Variants in TAF1 observed in about 807,000 individuals in gnomAD.
The protein encoded by TAF1 is TATA-box binding protein associated factor 1.
Under a neutral mutation model 138.5 loss-of-function variants are expected in TAF1, and 2 were observed. That is an observed-to-expected ratio of 0.01 (90% CI 0.01 to 0.05). TAF1 has a LOEUF of 0.05. Among genes scored for constraint, TAF1 ranks in the 10% least tolerant of loss-of-function variants. The probability of loss-of-function intolerance (pLI) is 1.00; values close to 1 mark genes in which losing one functional copy is unlikely to be tolerated. For missense variants in TAF1, 709 were observed against 1,478.0 expected, an observed-to-expected ratio of 0.48 and a Z score of 8.53; for synonymous variants, 437 against 503.2, an observed-to-expected ratio of 0.87 and a Z score of 1.76.
intron 35 of TAF1, 158 bp from the exon 36 acceptor site, chrX:71,459,394 A>G (rs1393196538): frequency 9.8e-7 from 1 of 1,024,710 alleles, no homozygotes; most frequent in Non-Finnish European, 1.3e-6. Context: ...CTTGGGACCA[A>G]CTAAACAGTC....
chrX:71,367,448 G>A (rs1452292134), intron 1 of TAF1, 51 bp from the exon 2 acceptor site: 1 of 1,163,653 alleles, frequency 8.6e-7, no homozygotes, highest in Admixed American at 2.3e-5. Flanking sequence ...CCTGTGGTGT[G>A]GGAGTCGTAG....
At chrX:71,424,301 T>A in intron 32 of TAF1, 63 bp downstream of exon 32, 1 of 1,019,879 alleles carries the variant, frequency 9.8e-7, no homozygotes, top group Non-Finnish European at 1.3e-6. Context: ...CTAACATTAC[T>A]TAGCATTATT....
chrX:71,413,605 A>G (rs1038741964), intron 28 of TAF1, among the ~76,000 whole-genome samples: 4 of 111,347 alleles, frequency 3.6e-5, no homozygotes, highest in Non-Finnish European at 7.5e-5. Context: ...CAGCCATAAT[A>G]TATCTGTTAA....
At chrX:71,394,456 A>C (rs1029676153) in intron 22 of TAF1, among the ~76,000 whole-genome samples, 4 of 112,371 alleles carry the variant, frequency 3.6e-5, no homozygotes, top group African/African-American at 9.7e-5. Context: ...CACTCCACTA[A>C]CTGCCTCTGT....
intron 13 of TAF1, among the ~76,000 whole-genome samples, chrX:71,471,344 T>TACAC (rs1423713606): frequency 1.1e-3 from 112 of 101,379 alleles, no homozygotes; most frequent in African/African-American, 3.6e-3. Flanking sequence ...TATATATATA[T>TACAC]ATACACACAC....
chrX:71,419,508 T>C (rs2036216719), intron 28 of TAF1, among the ~76,000 whole-genome samples: 1 of 109,110 alleles, frequency 9.2e-6, no homozygotes. Flanking sequence ...TACAGAAACC[T>C]GCAAAGAAAG....
intron 13 of TAF1, among the ~76,000 whole-genome samples, chrX:71,493,716 C>T (rs778306931): frequency 4.5e-4 from 51 of 112,281 alleles, no homozygotes; most frequent in African/African-American, 1.6e-3. Context: ...GGAGCAGTGG[C>T]TCATGCCTGT....
At chrX:71,459,828 C>A (rs745584512) in intron 36 of TAF1, 120 bp downstream of exon 36, 31 of 1,108,942 alleles carry the variant, frequency 2.8e-5, no homozygotes, top group Non-Finnish European at 3.7e-5. Context: ...TTATTGAATT[C>A]CTATTAATAG....
In TAF1 at chrX:71,407,151, G is replaced by A. The variant is rs776610520; in HGVS notation, c.4107+405G>A. Among the ~76,000 whole-genome samples the A allele has an allele frequency of 5.6e-5, 6 of 107,337 alleles. No homozygotes were observed. The South Asian group carries it at 2.5e-3, about 44-fold the overall frequency. 93.2% of individuals were successfully genotyped at this position (107,337 alleles called of 115,157 possible). A position where few individuals can be genotyped will look rare whatever the true frequency, so the allele number is the denominator to read the frequency against. The stretch of plus-strand genomic sequence containing the variant: ...GGCTGGTCTTGAACTCCTGACCTCA[G>A]GTAATCCACTCGCTTTGGCCTCCCA... On this transcript the variant is annotated intron_variant, in intron 26 of 37. Transcript: ENST00000423759.
intron 13 of TAF1, among the ~76,000 whole-genome samples, chrX:71,512,689 A>T (rs2039754868): frequency 9.0e-6 from 1 of 111,053 alleles, no homozygotes; most frequent in Non-Finnish European, 1.9e-5. Flanking sequence ...ATGGTGGCTC[A>T]TGACTGTAGT....
chrX:71,447,573 G>A (rs535946643), intron 32 of TAF1, among the ~76,000 whole-genome samples: 59 of 110,017 alleles, frequency 5.4e-4, no homozygotes, highest in African/African-American at 1.7e-3. Flanking sequence ...GTGCACACCT[G>A]TAATTCCAGC....
At chrX:71,440,493 A>G (rs762384638) in intron 32 of TAF1, among the ~76,000 whole-genome samples, 13 of 110,143 alleles carry the variant, frequency 1.2e-4, no homozygotes, top group Non-Finnish European at 2.3e-4. Flanking sequence ...AAGACACGGC[A>G]CTATTTCATT....
rs959142177 is a variant in TAF1, at chrX:71,498,336, A to G, written c.1367-30206A>G. Among the ~76,000 whole-genome samples, 6 of 111,620 alleles carry G rather than the reference A, an allele frequency of 5.4e-5. 1 individual carries two copies. Among genetic ancestry groups the G allele is most frequent in the African/African-American group, 2.0e-4 (6 of 30,730 alleles). ...CATGAACCATTCTGCTTCCTCTGGT[A>G]TTTGAGAGAGCAGGGTATAGGGGTT... On this transcript the variant is annotated intron_variant and NMD_transcript_variant, in intron 13 of 14. Transcript: ENST00000373775.
At chrX:71,372,432 CAAAAAA>C (rs41384445) in intron 3 of TAF1, among the ~76,000 whole-genome samples, 1 of 28,537 alleles carries the variant, frequency 3.5e-5, no homozygotes, top group African/African-American at 1.5e-4. Context: ...AACTCTGCCT[CAAAAAA>C]AAAAAAAAAA....
intron 28 of TAF1, chrX:71,414,165 A>C (rs1197450675): frequency 2.5e-5 from 2 of 78,725 alleles, no homozygotes; most frequent in African/African-American, 9.9e-5. Flanking sequence ...AGCTATTCTA[A>C]ACATTTCTCT....
Position 71,454,212 on chromosome X carries a change from A to G in TAF1, c.4796A>G (p.Asn1599Ser). 1 of 1,211,162 alleles carries G rather than the reference A, an allele frequency of 8.3e-7. No homozygotes were observed. The highest frequency in any genetic ancestry group is 1.1e-6 in the Non-Finnish European group (1 of 895,005). The change falls in exon 33 of 38, where the codon AAC (asparagine) becomes AGC (serine). Residue 1599 changes from asparagine to serine, a missense_variant. This residue lies in a region of TAF1 where 36 missense variants were observed against 47.3 expected (regional missense o/e 0.76). Transcript: ENST00000423759. ...QYTKTAQEIV[N>S]VCYQTLTEYD... ...ACTAAGACTGCCCAGGAGATTGTGAACGTCTGTTACCAGACATTGACTGAG... is the reference window on the plus strand; with the variant it reads ...ACTAAGACTGCCCAGGAGATTGTGAGCGTCTGTTACCAGACATTGACTGAG...
downstream of TAF1, among the ~76,000 whole-genome samples, chrX:71,469,638 G>A (rs916396261): frequency 9.1e-6 from 1 of 109,448 alleles, no homozygotes; most frequent in Non-Finnish European, 1.9e-5. Flanking sequence ...TGAGGCTCAA[G>A]TGATCCTCCC....
chrX:71,372,432 C>CA lies in TAF1; in HGVS notation c.353-2709dup, dbSNP rs41384445. Among the ~76,000 whole-genome samples, 52 of 28,543 alleles carry CA rather than the reference C, an allele frequency of 1.8e-3. 3 individuals carry two copies. The highest frequency in any genetic ancestry group is 5.7e-3 in the African/African-American group (37 of 6,534). 24.8% of individuals were successfully genotyped at this position (28,543 alleles called of 115,157 possible). ...GGGTGACAAGAGTGAAACTCTGCCT[C>CA]AAAAAAAAAAAAAAAAAAAAAAAAA... On this transcript the variant is annotated intron_variant, in intron 3 of 37. Transcript: ENST00000423759.
intron 32 of TAF1, among the ~76,000 whole-genome samples, chrX:71,442,776 A>G (rs1365957630): frequency 8.9e-6 from 1 of 111,892 alleles, no homozygotes; most frequent in Non-Finnish European, 1.9e-5. Context: ...GTTTTCTTCT[A>G]GGGTTTTTAT....
Sources: gnomAD v4.1 joint callset for allele counts (sites outside exome capture counted in the v4.1 genomes callset) on GRCh38, gnomAD v4.1.1 for gene constraint, gnomAD v4.1.1 regional missense constraint, MANE v1.5 for transcripts, NCBI Gene and HGNC (gene_info 2026-07-23, HGNC 2026-07-21) for gene names.